The following PLCB4 variants were observed in gnomAD, a reference collection of about 807,000 sequenced individuals.
PLCB4 encodes phospholipase C beta 4, also known as 1-phosphatidylinositol 4,5-bisphosphate phosphodiesterase beta-4.
PLCB4 carries 77 observed loss-of-function variants against 178.8 expected under a neutral mutation model. The ratio of observed to expected loss-of-function variants is 0.43; its 90% confidence interval spans 0.36 to 0.52. PLCB4 has a LOEUF of 0.52. Ranked by LOEUF, PLCB4 falls within the 20% of genes least tolerant of loss-of-function variation. The probability of loss-of-function intolerance (pLI) is 0.00; values close to 1 mark genes in which losing one functional copy is unlikely to be tolerated. For synonymous variants in PLCB4, 496 were observed against 490.8 expected (o/e 1.01, Z -0.14); for missense variants, 1,024 against 1,453.4 (o/e 0.70, Z 4.80).
intron 3 of PLCB4, among the ~76,000 whole-genome samples, chr20:9,284,631 C>G (rs377677625): frequency 1.3e-5 from 2 of 151,844 alleles, no homozygotes; most frequent in Non-Finnish European, 2.9e-5. Flanking sequence ...CTTGGTCCCC[C>G]CTGTGAAAAA....
chr20:9,080,998 G>A (rs2090116974), intron 1 of PLCB4, among the ~76,000 whole-genome samples: 1 of 152,068 alleles, frequency 6.6e-6, no homozygotes, highest in Non-Finnish European at 1.5e-5. Context: ...CTGAATTTAT[G>A]TCTGCAGAAT....
At chr20:9,158,577 GTTTTTTT>G (rs373471121) in intron 2 of PLCB4, among the ~76,000 whole-genome samples, 5 of 133,398 alleles carry the variant, frequency 3.7e-5, no homozygotes, top group African/African-American at 1.4e-4. Flanking sequence ...CCACTCTCAC[GTTTTTTT>G]TTTTTTTTAA....
At chr20:9,243,839 G>T (rs1414562596) in intron 3 of PLCB4, among the ~76,000 whole-genome samples, 2 of 152,148 alleles carry the variant, frequency 1.3e-5, no homozygotes, top group Admixed American at 6.5e-5. Context: ...GGGAATTATT[G>T]TGAACTACTC....
At chr20:9,478,892 C>CA in intron 39 of PLCB4, 29 bp from the exon 40 acceptor site, 6 of 1,564,190 alleles carry the variant, frequency 3.8e-6, no homozygotes, top group Non-Finnish European at 5.3e-6. Flanking sequence ...GATTTCAACA[C>CA]ACGTAAGGCC....
chr20:9,186,197 T>A (rs1245389409), intron 2 of PLCB4, among the ~76,000 whole-genome samples: 1 of 152,218 alleles, frequency 6.6e-6, no homozygotes, highest in Admixed American at 6.5e-5. Flanking sequence ...TTTTAAAAAA[T>A]CATGTTTAAC....
intron 2 of PLCB4, among the ~76,000 whole-genome samples, chr20:9,150,886 C>T (rs1361451059): frequency 6.6e-6 from 1 of 152,140 alleles, no homozygotes; most frequent in Non-Finnish European, 1.5e-5. Flanking sequence ...AAAATCTTCC[C>T]CCAAATGGCT....
At chr20:9,076,928 C>A (rs995520496) in intron 1 of PLCB4, among the ~76,000 whole-genome samples, 2 of 152,014 alleles carry the variant, frequency 1.3e-5, no homozygotes, top group African/African-American at 4.8e-5. Flanking sequence ...TGCAAAGTAC[C>A]CTTTTCCACC....
At chr20:9,186,423 T>C (rs946721417) in intron 2 of PLCB4, among the ~76,000 whole-genome samples, 1 of 152,218 alleles carries the variant, frequency 6.6e-6, no homozygotes, top group Non-Finnish European at 1.5e-5. Context: ...CGAGGCTCTT[T>C]TCAGGAAAGG....
intron 4 of PLCB4, among the ~76,000 whole-genome samples, chr20:9,309,528 G>T (rs569155928): frequency 6.6e-6 from 1 of 152,142 alleles, no homozygotes; most frequent in Non-Finnish European, 1.5e-5. Context: ...TTGAAGTCAG[G>T]GATCATATTT....
intron 34 of PLCB4, 43 bp downstream of exon 34, chr20:9,457,532 A>G (rs776973195): frequency 1.1e-6 from 1 of 934,786 alleles, no homozygotes; most frequent in Non-Finnish European, 1.8e-6. Flanking sequence ...TGCAGAAGAC[A>G]CTTTGTAATT....
intron 4 of PLCB4, among the ~76,000 whole-genome samples, chr20:9,327,515 G>A (rs1360606331): frequency 1.2e-4 from 18 of 151,962 alleles, no homozygotes; most frequent in East Asian, 3.9e-4. Flanking sequence ...GGTGGCTCCC[G>A]CCTGTAGTCT....
intron 38 of PLCB4, among the ~76,000 whole-genome samples, chr20:9,475,663 C>A (rs796460592): frequency 6.6e-5 from 10 of 152,292 alleles, no homozygotes; most frequent in African/African-American, 2.2e-4. Context: ...TTAAGCTTTG[C>A]TTTAGAAATA....
At chr20:9,396,218 C>A (rs1267327071) in intron 19 of PLCB4, among the ~76,000 whole-genome samples, 1 of 152,124 alleles carries the variant, frequency 6.6e-6, no homozygotes, top group Admixed American at 6.6e-5. Context: ...GCAGAGGAAG[C>A]AATATAAGGC....
intron 29 of PLCB4, among the ~76,000 whole-genome samples, chr20:9,436,351 T>C (rs2041767327): frequency 6.6e-6 from 1 of 152,198 alleles, no homozygotes; most frequent in Non-Finnish European, 1.5e-5. Context: ...CTTTTTATTT[T>C]TAATTATTTA....
At chr20:9,334,504 T>G (rs768903882) in intron 4 of PLCB4, among the ~76,000 whole-genome samples, 1 of 152,162 alleles carries the variant, frequency 6.6e-6, no homozygotes, top group African/African-American at 2.4e-5. Flanking sequence ...ATTTGAGGTT[T>G]ATAATCTTGA....
intron 28 of PLCB4, among the ~76,000 whole-genome samples, chr20:9,428,335 AC>A (rs1166820831): frequency 6.6e-6 from 1 of 152,198 alleles, no homozygotes; most frequent in Non-Finnish European, 1.5e-5. Context: ...TATTAGTCAG[AC>A]TTCAAGAAGA....
At chr20:9,289,743 C>T (rs1433067197) in intron 3 of PLCB4, among the ~76,000 whole-genome samples, 1 of 151,948 alleles carries the variant, frequency 6.6e-6, no homozygotes, top group Non-Finnish European at 1.5e-5. Flanking sequence ...TGAGGGTGTT[C>T]GGTCAAAAGG....
intron 2 of PLCB4, among the ~76,000 whole-genome samples, chr20:9,214,858 A>C (rs2093712055): frequency 6.6e-6 from 1 of 152,192 alleles, no homozygotes; most frequent in Non-Finnish European, 1.5e-5. Flanking sequence ...ACATGTTGCA[A>C]TATCTTATAT....
rs1229273603 is a variant in PLCB4 at position 9,096,741 on chromosome 20, A to G, written c.-79+399A>G. ...TGGTCTGTGGCCAGTAAAAAATGTG[A>G]TATCTTTCATTTTGTGGTGTGAGAT... On this transcript the variant is annotated intron_variant, in intron 2 of 39. Transcript: ENST00000378473. Among the ~76,000 whole-genome samples the G allele has an allele frequency of 2.6e-5, 4 of 152,094 alleles. No homozygotes were observed. The East Asian group carries it at 5.8e-4, about 22-fold the overall frequency.
Sources: allele counts gnomAD v4.1 joint callset (sites outside exome capture counted in the v4.1 genomes callset), GRCh38; gene constraint gnomAD v4.1.1; transcripts MANE v1.5; gene names NCBI Gene and HGNC (gene_info 2026-07-23, HGNC 2026-07-21).